Variants in ARAP2 observed in about 807,000 individuals in gnomAD.
The protein encoded by ARAP2 is arf-GAP with Rho-GAP domain, ANK repeat and PH domain-containing protein 2.
ARAP2 carries 148 observed loss-of-function variants against 194.5 expected under a neutral mutation model. That is an observed-to-expected ratio of 0.76 (90% CI 0.67 to 0.87). ARAP2 has a LOEUF of 0.87. ARAP2 is among the 40% of genes least tolerant of loss of function. The pLI, the probability that ARAP2 is intolerant of heterozygous loss-of-function variation, is 0.00. For missense variants in ARAP2, 2,128 were observed against 1,989.7 expected (o/e 1.07, Z -1.32); for synonymous variants, 695 against 683.5 (o/e 1.02, Z -0.26).
chr4:36,202,533 TAAA>T (rs750546131), intron 6 of ARAP2, among the ~76,000 whole-genome samples: 1 of 151,156 alleles, frequency 6.6e-6, no homozygotes, highest in Non-Finnish European at 1.5e-5. Flanking sequence ...TTCTAGGGGC[TAAA>T]AAGATTCTTG....
At chr4:36,097,053 T>G (rs1315716444) in intron 27 of ARAP2, among the ~76,000 whole-genome samples, 1 of 152,132 alleles carries the variant, frequency 6.6e-6, no homozygotes, top group Non-Finnish European at 1.5e-5. Context: ...TAATAAACCT[T>G]TCCATTTTTA....
At chr4:36,236,355 A>G (rs751066434) in intron 1 of ARAP2, among the ~76,000 whole-genome samples, 1 of 152,154 alleles carries the variant, frequency 6.6e-6, no homozygotes, top group Non-Finnish European at 1.5e-5. Flanking sequence ...ACCATGGGTT[A>G]CTTCATTAAA....
intron 20 of ARAP2, among the ~76,000 whole-genome samples, chr4:36,131,497 T>G (rs1046078332): frequency 1.3e-5 from 2 of 151,478 alleles, no homozygotes; most frequent in Non-Finnish European, 3.0e-5. Flanking sequence ...AACACAATCT[T>G]CCATTGGCTT....
At chr4:36,177,741 A>C in intron 9 of ARAP2, 86 bp downstream of exon 9, 1 of 1,336,966 alleles carries the variant, frequency 7.5e-7, no homozygotes, top group Non-Finnish European at 1.0e-6. Context: ...CTCTATAAGT[A>C]AAATCACTAA....
In ARAP2 at chr4:36,068,140, G is replaced by A. The variant is rs772920560; in HGVS notation, c.4882C>T (p.Arg1628Ter). ...HKDDKLRNRP[R>*]KHRSFNCLED... ...AGGCAGTTGAAACTCCGATGTTTTC[G>A]GGGTCGATTTCGAAGTTTATCGTCC... The change falls in exon 33 of 33, where the codon CGA becomes TGA. Residue 1628 changes from arginine to a stop codon, truncating the protein, a stop_gained. Coordinates refer to ENST00000303965, the MANE Select transcript of ARAP2 (RefSeq NM_015230.4). LOFTEE classifies it low-confidence loss of function (END_TRUNC). The A allele has an allele frequency of 2.5e-6, 4 of 1,614,076 alleles. No individual in the cohort carries two copies. Among genetic ancestry groups the A allele is most frequent in the South Asian group, 1.1e-5 (1 of 91,076 alleles).
chr4:36,013,598 A>G (rs536953128), intron 8 of ARAP2, among the ~76,000 whole-genome samples: 9 of 152,354 alleles, frequency 5.9e-5, no homozygotes, highest in Non-Finnish European at 2.9e-5. Flanking sequence ...ATAGGTTAGT[A>G]TATTTGCTGA....
chr4:36,135,546 T>C (rs1726493086), intron 19 of ARAP2, among the ~76,000 whole-genome samples: 1 of 151,810 alleles, frequency 6.6e-6, no homozygotes, highest in South Asian at 2.1e-4. Flanking sequence ...GTTGTAATTT[T>C]CTTTTTGAAG....
intron 30 of ARAP2, among the ~76,000 whole-genome samples, chr4:36,080,819 G>C (rs1242343535): frequency 6.6e-6 from 1 of 152,108 alleles, no homozygotes; most frequent in Non-Finnish European, 1.5e-5. Context: ...AACTAAAACA[G>C]AGACCTTGTC....
intron 2 of ARAP2, among the ~76,000 whole-genome samples, chr4:36,219,870 A>G (rs2109307254): frequency 6.6e-6 from 1 of 152,318 alleles, no homozygotes; most frequent in East Asian, 1.9e-4. Flanking sequence ...ATGTTTCTCA[A>G]AGTTAAGCAA....
At chr4:36,057,275 G>A (rs866146356) in intron 2 of ARAP2, among the ~76,000 whole-genome samples, 7 of 150,106 alleles carry the variant, frequency 4.7e-5, no homozygotes, top group Admixed American at 1.3e-4. Context: ...TTGGGGTTTC[G>A]GTATTCTCTG....
intron 5 of ARAP2, among the ~76,000 whole-genome samples, chr4:36,023,411 G>A (rs1229562263): frequency 5.3e-5 from 8 of 152,080 alleles, no homozygotes; most frequent in African/African-American, 1.9e-4. Context: ...ATTATTGCAT[G>A]ATCATCTTCA....
chr4:36,124,414 T>C (rs961472534), intron 22 of ARAP2, among the ~76,000 whole-genome samples: 8 of 152,036 alleles, frequency 5.3e-5, no homozygotes, highest in Admixed American at 5.3e-4. Flanking sequence ...TCTTCCCAAA[T>C]GCAAGGAGAC....
rs1004419037 is a variant in ARAP2, at chr4:36,244,362, G to C, written c.-343C>G. The C allele has an allele frequency of 6.6e-6, 1 of 151,388 alleles. No homozygotes were observed. Among genetic ancestry groups the C allele is most frequent in the African/African-American group, 2.4e-5 (1 of 41,460 alleles). 9.4% of individuals were successfully genotyped at this position (151,388 alleles called of 1,614,324 possible). ...CTGCTGCCTGGCGGCGGCCGCGCGG[G>C]CGGCGCTGTTAGTGGGGCCGGCGTG... On this transcript the variant is annotated 5_prime_UTR_variant, in exon 1 of 33. Coordinates refer to ENST00000303965, the MANE Select transcript of ARAP2 (RefSeq NM_015230.4).
At chr4:36,073,962 G>T in intron 31 of ARAP2, 139 bp from the exon 32 acceptor site, 1 of 1,089,054 alleles carries the variant, frequency 9.2e-7, no homozygotes, top group Non-Finnish European at 1.3e-6. Flanking sequence ...TGATTATGAT[G>T]TTGACTCTGG....
intron 5 of ARAP2, among the ~76,000 whole-genome samples, chr4:36,032,012 A>G (rs888910205): frequency 1.7e-4 from 26 of 152,170 alleles, no homozygotes; most frequent in African/African-American, 6.3e-4. Flanking sequence ...AAAAGCTGTT[A>G]AAGAAAAATT....
At position 36,052,434 on chromosome 4, in the gene ARAP2, T is replaced by G. The variant is rs142860799; in HGVS notation, n.322-381A>C. The stretch of plus-strand genomic sequence containing the variant: ...AAGCAACGCATGCAGGAAACCGCTT[T>G]CAGTATTATGAACAGTAGCTACATA... On this transcript the variant is annotated intron_variant and non_coding_transcript_variant, in intron 2 of 12. Transcript: ENST00000503225. Among the ~76,000 whole-genome samples the G allele has an allele frequency of 3.3e-5, 5 of 152,328 alleles. No individual in the cohort carries two copies. The East Asian group carries it at 7.7e-4, about 23-fold the overall frequency.
In ARAP2 at chr4:36,213,332, T is replaced by C. The variant is rs757767234; in HGVS notation, c.965-13A>G. ...TCCTCATTTGAATCTTTTAGGGGAA[T>C]TACAGGATGAGAACAGAAAGATGTG... On this transcript the variant is annotated splice_polypyrimidine_tract_variant and intron_variant, in intron 3 of 32. Transcript: ENST00000303965. 2.6e-6 allele frequency: 4 copies of C among 1,555,946 alleles called. No individual in the cohort carries two copies. In the South Asian group the frequency reaches 4.5e-5, roughly 17 times the overall value.
chr4:36,040,281 A>G (rs1720627922), intron 5 of ARAP2, among the ~76,000 whole-genome samples: 2 of 152,180 alleles, frequency 1.3e-5, no homozygotes, highest in African/African-American at 4.8e-5. Context: ...GCAGTGTACA[A>G]ATTGATCCAT....
In ARAP2 at chr4:36,059,573, C is replaced by T. The variant is rs968476484; in HGVS notation, n.148-1430G>A. Among the ~76,000 whole-genome samples, 10 of 152,300 alleles carry T rather than the reference C, an allele frequency of 6.6e-5. No homozygotes were observed. The South Asian group carries it at 1.7e-3, about 25-fold the overall frequency. ...TGGAAATGTAAACTACAGTCTGGAA[C>T]TCAGTGAGTAGATTCAGACTGAAGT... On this transcript the variant is annotated intron_variant and non_coding_transcript_variant, in intron 1 of 12. Coordinates refer to the ARAP2 transcript ENST00000503225.
Sources: allele counts gnomAD v4.1 joint callset (sites outside exome capture counted in the v4.1 genomes callset), GRCh38; gene constraint gnomAD v4.1.1; transcripts MANE v1.5; gene names NCBI Gene and HGNC (gene_info 2026-07-23, HGNC 2026-07-21).